Variants in ZMYND8 observed in about 807,000 individuals in gnomAD.
The protein encoded by ZMYND8 is zinc finger MYND-type containing 8, also known as MYND-type zinc finger-containing chromatin reader ZMYND8.
Under a neutral mutation model 140.8 loss-of-function variants are expected in ZMYND8, and 37 were observed. The ratio of observed to expected loss-of-function variants is 0.26; its 90% CI spans 0.20 to 0.35. The LOEUF is 0.35. Among genes scored for constraint, ZMYND8 ranks in the 10% least tolerant of loss-of-function variants. ZMYND8 has a pLI of 1.00. For missense variants in ZMYND8, 1,068 were observed against 1,570.0 expected (o/e 0.68, Z 5.40); for synonymous variants, 592 against 597.1 (o/e 0.99, Z 0.12).
At chr20:47,337,669 G>C (rs186418841) in intron 2 of ZMYND8, among the ~76,000 whole-genome samples, 132 of 152,214 alleles carry the variant, frequency 8.7e-4, no homozygotes, top group African/African-American at 2.9e-3. Flanking sequence ...ATCATGCCAT[G>C]AAGTACTCAG....
At chr20:47,211,199 C>T (rs1350009437) in intron 22 of ZMYND8, among the ~76,000 whole-genome samples, 1 of 152,186 alleles carries the variant, frequency 6.6e-6, no homozygotes, top group Non-Finnish European at 1.5e-5. Flanking sequence ...TGTGCCGTGT[C>T]TGGAACCGTG....
intron 18 of ZMYND8, 95 bp from the exon 19 acceptor site, chr20:47,224,651 A>C: frequency 6.4e-7 from 1 of 1,567,318 alleles, no homozygotes; most frequent in South Asian, 1.2e-5. Context: ...CGTGGATGCA[A>C]GACCTGGCTG....
intron 12 of ZMYND8, among the ~76,000 whole-genome samples, chr20:47,253,470 G>A (rs988261409): frequency 2.0e-5 from 3 of 151,106 alleles, no homozygotes; most frequent in African/African-American, 4.9e-5. Flanking sequence ...CCAGGAGGAG[G>A]AGCCTGCAGT....
chr20:47,329,518 C>A (rs1341459914), intron 2 of ZMYND8, among the ~76,000 whole-genome samples: 1 of 152,140 alleles, frequency 6.6e-6, no homozygotes, highest in Admixed American at 6.6e-5. Context: ...GATTCTCCAG[C>A]CTCATCCTCC....
At chr20:47,290,419 T>C (rs1469934499) in intron 6 of ZMYND8, 145 bp from the exon 7 acceptor site, 4 of 635,160 alleles carry the variant, frequency 6.3e-6, no homozygotes, top group Non-Finnish European at 1.1e-5. Context: ...TGCTTCTTTT[T>C]AACCTACAAC....
chr20:47,319,616 T>C (rs2079739493), intron 2 of ZMYND8: 1 of 154,614 alleles, frequency 6.5e-6, no homozygotes, highest in South Asian at 2.0e-4. Flanking sequence ...CAAACTCGCC[T>C]GGCAGGACAG....
At chr20:47,330,819 G>A (rs908895954) in intron 2 of ZMYND8, among the ~76,000 whole-genome samples, 5 of 152,194 alleles carry the variant, frequency 3.3e-5, no homozygotes, top group South Asian at 2.1e-4. Context: ...CCATCTGATA[G>A]AGCTAAATCA....
chr20:47,303,221 G>A (rs1438891707), intron 3 of ZMYND8, among the ~76,000 whole-genome samples: 3 of 152,062 alleles, frequency 2.0e-5, no homozygotes, highest in African/African-American at 7.2e-5. Flanking sequence ...AGAGGGCGGG[G>A]AACTCCTGTT....
chr20:47,227,710 T>C (rs2037893893), intron 17 of ZMYND8, among the ~76,000 whole-genome samples: 1 of 152,216 alleles, frequency 6.6e-6, no homozygotes, highest in African/African-American at 2.4e-5. Context: ...AGGGTATTTC[T>C]GGGCAGAGGA....
At chr20:47,274,831 GA>G (rs1392852558) in intron 11 of ZMYND8, among the ~76,000 whole-genome samples, 1 of 151,624 alleles carries the variant, frequency 6.6e-6, no homozygotes, top group Admixed American at 6.6e-5. Context: ...CCAAGGAAAA[GA>G]AAAAAGAAAA....
At chr20:47,306,915 A>C (rs1164597710) in intron 3 of ZMYND8, among the ~76,000 whole-genome samples, 1 of 152,182 alleles carries the variant, frequency 6.6e-6, no homozygotes, top group Non-Finnish European at 1.5e-5. Context: ...ATGAGACAAC[A>C]GGGAATGGTG....
intron 16 of ZMYND8, among the ~76,000 whole-genome samples, chr20:47,230,389 C>G (rs2038301457): frequency 6.6e-6 from 1 of 151,818 alleles, no homozygotes; most frequent in Admixed American, 6.6e-5. Context: ...CCTCCAGGTT[C>G]AGGCGATTCT....
intron 2 of ZMYND8, among the ~76,000 whole-genome samples, chr20:47,340,351 C>T (rs1456766240): frequency 1.3e-5 from 2 of 152,176 alleles, no homozygotes; most frequent in African/African-American, 4.8e-5. Flanking sequence ...CCATGGTGCG[C>T]ACTTACAGTC....
At chr20:47,213,102 G>A (rs1020516550) in intron 21 of ZMYND8, among the ~76,000 whole-genome samples, 4 of 152,158 alleles carry the variant, frequency 2.6e-5, no homozygotes, top group Non-Finnish European at 4.4e-5. Context: ...GGCAGCACCC[G>A]AGAAAGCCAG....
At chr20:47,343,779 G>A (rs1488013238) in intron 2 of ZMYND8, among the ~76,000 whole-genome samples, 1 of 152,084 alleles carries the variant, frequency 6.6e-6, no homozygotes, top group Non-Finnish European at 1.5e-5. Context: ...TTACAGGCAT[G>A]AGCCACCACA....
intron 2 of ZMYND8, among the ~76,000 whole-genome samples, chr20:47,321,899 C>CA (rs2079990246): frequency 7.4e-6 from 1 of 135,866 alleles, no homozygotes; most frequent in South Asian, 2.3e-4. Flanking sequence ...CTCACTCTGT[C>CA]ACCTAGGCTG....
chr20:47,273,918 C>T (rs916330988), intron 11 of ZMYND8, among the ~76,000 whole-genome samples: 3 of 152,248 alleles, frequency 2.0e-5, no homozygotes, highest in African/African-American at 7.2e-5. Flanking sequence ...CAATATCACT[C>T]TCTCTTCCTA....
chr20:47,293,945 C>G (rs2148008352), intron 5 of ZMYND8, among the ~76,000 whole-genome samples: 1 of 152,208 alleles, frequency 6.6e-6, no homozygotes, highest in Admixed American at 6.5e-5. Flanking sequence ...CACTTCCCAC[C>G]CCCCTTCTCC....
At chr20:47,239,943 C>G (rs750198928) in intron 14 of ZMYND8, among the ~76,000 whole-genome samples, 4 of 152,072 alleles carry the variant, frequency 2.6e-5, no homozygotes, top group Non-Finnish European at 4.4e-5. Context: ...AATTTTTTTA[C>G]TAAAAAAATG....
Sources: gnomAD v4.1 joint callset for allele counts (sites outside exome capture counted in the v4.1 genomes callset) on GRCh38, gnomAD v4.1.1 for gene constraint, MANE v1.5 for transcripts, NCBI Gene and HGNC (gene_info 2026-07-23, HGNC 2026-07-21) for gene names.